Variants in DAPK2 observed in about 807,000 individuals in gnomAD.
DAPK2 encodes death associated protein kinase 2, also known as death-associated protein kinase 2.
A neutral mutation model predicts 44.1 loss-of-function variants in DAPK2; 35 were observed. That is an observed-to-expected ratio of 0.79 (90% CI 0.61 to 1.05). The LOEUF is 1.05. Ranked by LOEUF, DAPK2 falls within the 50% of genes least tolerant of loss-of-function variation. The pLI, the probability that DAPK2 is intolerant of heterozygous loss-of-function variation, is 0.00. For synonymous variants in DAPK2, 174 were observed against 182.6 expected (o/e 0.95, Z 0.38); for missense variants, 453 against 483.2 (o/e 0.94, Z 0.59).
intron 3 of DAPK2, among the ~76,000 whole-genome samples, chr15:63,957,589 G>A (rs946030687): frequency 7.0e-6 from 1 of 142,734 alleles, no homozygotes; most frequent in African/African-American, 2.6e-5. Flanking sequence ...TCCCACCTAT[G>A]AGTGAGAACA....
intron 4 of DAPK2, among the ~76,000 whole-genome samples, chr15:63,934,868 A>C (rs775098174): frequency 1.3e-5 from 2 of 152,050 alleles, no homozygotes; most frequent in Non-Finnish European, 2.9e-5. Context: ...CCATCATCAC[A>C]ATTTTAGGCA....
At chr15:63,999,115 C>T (rs2079021832) in intron 1 of DAPK2, among the ~76,000 whole-genome samples, 1 of 152,212 alleles carries the variant, frequency 6.6e-6, no homozygotes. Flanking sequence ...AGACGCTGTG[C>T]TGGAAACTCG....
chr15:63,954,290 T>C (rs1267845137), intron 3 of DAPK2, among the ~76,000 whole-genome samples: 1 of 152,250 alleles, frequency 6.6e-6, no homozygotes, highest in East Asian at 1.9e-4. Context: ...TTTGAAATCT[T>C]AGATTTAAGT....
chr15:64,016,886 AGGAAGGAAGGAAGGAC>A lies in DAPK2; in HGVS notation c.92+23268_92+23283del, dbSNP rs781348628. Among the ~76,000 whole-genome samples, 7 of 139,114 alleles carry A rather than the reference AGGAAGGAAGGAAGGAC, an allele frequency of 5.0e-5. No individual in the cohort carries two copies. The South Asian group carries it at 9.2e-4, about 18-fold the overall frequency. The allele number at this position is 139,114 out of a possible 152,430, so 91.3% of individuals were successfully genotyped here. A position where few individuals can be genotyped will look rare whatever the true frequency, so the allele number is the denominator to read the frequency against. ...AAGGAAGGAAGGAAGGAAGGAAGGA[AGGAAGGAAGGAAGGAC>A]GGACATGTAAAATGCCCAGCATATG... is the stretch of plus-strand genomic sequence containing the variant. On this transcript the variant is annotated intron_variant, in intron 1 of 10. Coordinates refer to ENST00000261891, the Ensembl canonical transcript of DAPK2.
chr15:63,995,167 A>G (rs1191740493), intron 1 of DAPK2, among the ~76,000 whole-genome samples: 1 of 152,014 alleles, frequency 6.6e-6, no homozygotes, highest in Non-Finnish European at 1.5e-5. Context: ...CTCTGCATAC[A>G]TCCCTGGTTG....
In DAPK2 at chr15:63,971,662, G is replaced by A. The variant is rs2078216803; in HGVS notation, c.315-101C>T. On this transcript the variant is annotated intron_variant, in intron 2 of 10. Transcript: ENST00000261891. ...GCAAGCCCTCATCCTGACCCCCCAGGGACCTTGTATGGCAGAATCCCCCTG... is the reference window on the plus strand; with the variant it reads ...GCAAGCCCTCATCCTGACCCCCCAGAGACCTTGTATGGCAGAATCCCCCTG... The A allele has an allele frequency of 3.1e-6, 4 of 1,306,052 alleles. No individual in the cohort carries two copies. In the Admixed American group the frequency reaches 7.6e-5, roughly 25 times the overall value. 80.9% of individuals were successfully genotyped at this position (1,306,052 alleles called of 1,614,324 possible).
At chr15:64,044,954 A>C (rs575814381), upstream of DAPK2, among the ~76,000 whole-genome samples, 1 of 152,262 alleles carries the variant, frequency 6.6e-6, no homozygotes, top group East Asian at 1.9e-4. Flanking sequence ...GGCATTACAG[A>C]GCTCCTCTCT....
chr15:63,988,969 C>T (rs1032241602), intron 1 of DAPK2, among the ~76,000 whole-genome samples: 1 of 151,510 alleles, frequency 6.6e-6, no homozygotes, highest in African/African-American at 2.4e-5. Flanking sequence ...CACTTGAGGC[C>T]TGGAGTATGA....
At chr15:63,926,257 G>T in intron 6 of DAPK2, 164 bp from the exon 8 acceptor site, 1 of 652,956 alleles carries the variant, frequency 1.5e-6, no homozygotes, top group Non-Finnish European at 2.6e-6. Context: ...GTTCAGCTAA[G>T]TCCAATTCAA....
At chr15:64,036,269 A>ATGTGTG (rs1250243136) in intron 1 of DAPK2, among the ~76,000 whole-genome samples, 4 of 74,844 alleles carry the variant, frequency 5.3e-5, no homozygotes, top group African/African-American at 2.0e-4. Context: ...CAAAATATAT[A>ATGTGTG]TATATGTGTG....
At chr15:63,985,521 C>T (rs528225829) in intron 1 of DAPK2, among the ~76,000 whole-genome samples, 3 of 152,340 alleles carry the variant, frequency 2.0e-5, no homozygotes, top group South Asian at 4.1e-4. Context: ...CCTCAAGCAG[C>T]CGCTGGCAGG....
intron 3 of DAPK2, among the ~76,000 whole-genome samples, chr15:63,953,304 T>C (rs2077640746): frequency 1.3e-5 from 2 of 152,200 alleles, no homozygotes. Context: ...GCAACCATTT[T>C]TCTACTCTCA....
upstream of DAPK2, among the ~76,000 whole-genome samples, chr15:64,041,985 A>T (rs1310224964): frequency 6.6e-6 from 1 of 152,156 alleles, no homozygotes; most frequent in African/African-American, 2.4e-5. Context: ...CCAGGGCTGG[A>T]GCAAGCATGA....
At chr15:64,031,073 T>A (rs1374605310) in intron 1 of DAPK2, among the ~76,000 whole-genome samples, 1 of 151,812 alleles carries the variant, frequency 6.6e-6, no homozygotes, top group Non-Finnish European at 1.5e-5. Flanking sequence ...AGAGCTAGGA[T>A]GGAATCCTGA....
chr15:63,922,180 C>G (rs1266793161), intron 8 of DAPK2: 3 of 529,964 alleles, frequency 5.7e-6, no homozygotes, highest in Non-Finnish European at 7.2e-6. Flanking sequence ...TCCTATCTCA[C>G]TGAGTTCTTT....
chr15:63,925,676 G>GCA (rs1555463543), intron 7 of DAPK2, among the ~76,000 whole-genome samples: 1 of 51,324 alleles, frequency 1.9e-5, no homozygotes, highest in African/African-American at 6.0e-5. Context: ...CTGACTTGTA[G>GCA]CGCACACACA....
At chr15:63,972,395 G>C (rs1350441290) in intron 2 of DAPK2, among the ~76,000 whole-genome samples, 1 of 152,212 alleles carries the variant, frequency 6.6e-6, no homozygotes, top group Admixed American at 6.5e-5. Flanking sequence ...TGTAAGGGTG[G>C]TCCTGGTGAG....
rs891023204 is a variant in DAPK2, at chr15:64,036,353, A to T, written c.92+3817T>A. ...TATATATATACATATATATATATAT[A>T]TTTTAGTTAAGGTCTAATAAACAGG... On this transcript the variant is annotated intron_variant, in intron 1 of 10. Transcript: ENST00000261891. 1.7e-4 allele frequency among the ~76,000 whole-genome samples: 23 copies of T among 138,354 alleles called. 1 individual carries two copies. The highest frequency in any genetic ancestry group is 5.4e-4 in the African/African-American group (21 of 38,946). The allele number at this position is 138,354 out of a possible 152,430, so 90.8% of individuals were successfully genotyped here.
chr15:63,924,537 A>C, intron 8 of DAPK2: 1 of 405,640 alleles, frequency 2.5e-6, no homozygotes, highest in Non-Finnish European at 4.5e-6. Context: ...AACACTGTGT[A>C]AGTTGGCCCC....
Sources: allele counts gnomAD v4.1 joint callset (sites outside exome capture counted in the v4.1 genomes callset), GRCh38; gene constraint gnomAD v4.1.1; transcripts MANE v1.5; gene names NCBI Gene and HGNC (gene_info 2026-07-23, HGNC 2026-07-21).